The following SMG7 variants were observed in gnomAD, a reference collection of about 807,000 sequenced individuals.
SMG7 encodes the protein nonsense-mediated mRNA decay factor SMG7.
In SMG7, 34 loss-of-function variants were observed where a neutral mutation model predicts 148.2. That is an observed-to-expected ratio of 0.23 (90% CI 0.17 to 0.31). The LOEUF (loss-of-function observed/expected upper bound fraction) is 0.31, where lower values mean the gene tolerates loss of function less well. SMG7 is among the 10% of genes least tolerant of loss of function. SMG7 has a pLI of 1.00. For missense variants in SMG7, 1,114 were observed against 1,408.4 expected, an observed-to-expected ratio of 0.79 and a Z score of 3.35; for synonymous variants, 492 against 515.1, an observed-to-expected ratio of 0.96 and a Z score of 0.61.
chr1:183,528,846 T>G, intron 6 of SMG7, 46 bp from the exon 7 acceptor site: 3 of 1,509,672 alleles, frequency 2.0e-6, no homozygotes, highest in Non-Finnish European at 2.7e-6. Flanking sequence ...ATAGCAAGAC[T>G]TTGTCACTCT....
At chr1:183,498,454 G>T (rs1404131301) in intron 1 of SMG7, among the ~76,000 whole-genome samples, 2 of 152,150 alleles carry the variant, frequency 1.3e-5, no homozygotes, top group African/African-American at 4.8e-5. Context: ...GGAGGTTGAG[G>T]CTGCAGTAAG....
chr1:183,501,263 A>G (rs1240435134), intron 1 of SMG7: 2 of 152,178 alleles, frequency 1.3e-5, no homozygotes, highest in Non-Finnish European at 2.9e-5. Flanking sequence ...AAACACCTCA[A>G]TGAGGTAGGT....
chr1:183,553,687 G>A lies in SMG7; in HGVS notation c.*1756G>A, dbSNP rs1467581763. On this transcript the variant is annotated 3_prime_UTR_variant, in exon 23 of 23. Transcript: ENST00000688051. ...TGGGTTTTGTTTTTTTGAAAGGTCT[G>A]AAAAGGTGAAGCCCCCTACCCAATG... The A allele has an allele frequency of 6.6e-6, 1 of 151,886 alleles. No individual in the cohort carries two copies. The highest frequency in any genetic ancestry group is 1.4e-5 in the Non-Finnish European group (1 of 70,328). 9.4% of individuals were successfully genotyped at this position (151,886 alleles called of 1,614,324 possible).
At chr1:183,473,903 G>A (rs1372690600) in intron 1 of SMG7, 1 of 983,560 alleles carries the variant, frequency 1.0e-6, no homozygotes, top group Admixed American at 6.2e-5. Context: ...CAAGAGGTGT[G>A]TAGTTACCTG....
intron 1 of SMG7, among the ~76,000 whole-genome samples, chr1:183,485,010 A>G (rs1040528510): frequency 2.0e-5 from 3 of 152,142 alleles, no homozygotes; most frequent in Admixed American, 6.5e-5. Context: ...TTCTTTTGAC[A>G]TGATTGTTAG....
intron 1 of SMG7, among the ~76,000 whole-genome samples, chr1:183,474,257 A>G (rs1319150304): frequency 6.6e-6 from 1 of 152,240 alleles, no homozygotes; most frequent in Non-Finnish European, 1.5e-5. Flanking sequence ...ACAGAGTGTA[A>G]GTACCATGAA....
chr1:183,544,215 C>A, intron 14 of SMG7, 138 bp from the exon 15 acceptor site: 1 of 603,772 alleles, frequency 1.7e-6, no homozygotes, highest in East Asian at 2.7e-5. Context: ...CCATTTTTAA[C>A]TTAGGTGAAT....
chr1:183,546,367 T>G, intron 17 of SMG7, 30 bp downstream of exon 17: 1 of 1,583,394 alleles, frequency 6.3e-7, no homozygotes. Context: ...ACCAGGCAAT[T>G]TGGAGATAGG....
Position 183,544,337 on chromosome 1 carries a change from C to G in SMG7, c.1843-16C>G. On this transcript the variant is annotated splice_polypyrimidine_tract_variant and intron_variant, in intron 14 of 22. Coordinates refer to ENST00000688051, the MANE Select transcript of SMG7 (RefSeq NM_001375584.1). ...TTTCAATTTATTATAGATAGTTTTG[C>G]TTCTATTGGTTACAGGTAAAATCCC... 6.2e-7 allele frequency: 1 copy of G among 1,610,260 alleles called. No individual in the cohort carries two copies.
In SMG7 at chr1:183,552,138, C is replaced by T; in HGVS notation, c.*207C>T. The T allele has an allele frequency of 2.4e-6, 3 of 1,258,438 alleles. No individual in the cohort carries two copies. Among genetic ancestry groups the T allele is most frequent in the Non-Finnish European group, 3.0e-6 (3 of 991,832 alleles). The allele number at this position is 1,258,438 out of a possible 1,614,324, so 78.0% of individuals were successfully genotyped here. On this transcript the variant is annotated 3_prime_UTR_variant, in exon 23 of 23. Coordinates refer to ENST00000688051, the MANE Select transcript of SMG7 (RefSeq NM_001375584.1). ...AAAATCCATCAGGAACTCTCCGTCCCCCCGGGGCCCTCCGGAGGGAGAGAG... is the reference window on the plus strand; with the variant it reads ...AAAATCCATCAGGAACTCTCCGTCCTCCCGGGGCCCTCCGGAGGGAGAGAG...
At chr1:183,489,989 T>G (rs1314243443) in intron 1 of SMG7, among the ~76,000 whole-genome samples, 2 of 152,170 alleles carry the variant, frequency 1.3e-5, no homozygotes, top group Non-Finnish European at 2.9e-5. Flanking sequence ...GAGCCCCATC[T>G]CAGACCAGCT....
At chr1:183,535,750 T>C (rs3754519) in intron 10 of SMG7, among the ~76,000 whole-genome samples, 13,995 of 152,208 alleles carry the variant, frequency 0.092, 760 homozygotes, top group East Asian at 0.24. Flanking sequence ...AAAATAGTTA[T>C]AGGGTAAAGC....
At chr1:183,495,084 C>T (rs987487534) in intron 1 of SMG7, among the ~76,000 whole-genome samples, 4 of 152,086 alleles carry the variant, frequency 2.6e-5, no homozygotes, top group Admixed American at 1.3e-4. Context: ...ACCTCGGCCT[C>T]TCAAAGTGCT....
Position 183,542,512 on chromosome 1 carries a change from A to G in SMG7, c.1842+10A>G. On this transcript the variant is annotated intron_variant, in intron 14 of 22. Coordinates refer to ENST00000688051, the MANE Select transcript of SMG7 (RefSeq NM_001375584.1). Reference sequence around the variant, plus strand: ...GAATGTGGCAGTGCAGGTAAGCTGTATTTGAACTATAAAGCAGGTAGAGGA... The same window carrying G: ...GAATGTGGCAGTGCAGGTAAGCTGTGTTTGAACTATAAAGCAGGTAGAGGA... 3 of 1,603,432 alleles carry G rather than the reference A, an allele frequency of 1.9e-6. No individual in the cohort carries two copies. Among genetic ancestry groups the G allele is most frequent in the Non-Finnish European group, 2.6e-6 (3 of 1,174,964 alleles).
intron 18 of SMG7, 167 bp from the exon 19 acceptor site, chr1:183,549,041 G>C (rs1375245397): frequency 3.3e-6 from 2 of 599,580 alleles, no homozygotes; most frequent in African/African-American, 3.7e-5. Flanking sequence ...CTGGCACTTA[G>C]GCGGTGTCTT....
chr1:183,498,642 A>G (rs1337288344), intron 1 of SMG7, among the ~76,000 whole-genome samples: 1 of 152,248 alleles, frequency 6.6e-6, no homozygotes, highest in Non-Finnish European at 1.5e-5. Context: ...ATTGCGAGAA[A>G]GGTATAGAGA....
intron 1 of SMG7, among the ~76,000 whole-genome samples, chr1:183,491,219 C>T (rs886725114): frequency 7.2e-5 from 11 of 152,252 alleles, no homozygotes; most frequent in South Asian, 2.1e-4. Context: ...TATTTTGTGC[C>T]TGTATTCTGT....
intron 1 of SMG7, among the ~76,000 whole-genome samples, chr1:183,495,195 G>T (rs963163103): frequency 1.3e-5 from 2 of 151,834 alleles, no homozygotes; most frequent in African/African-American, 4.8e-5. Flanking sequence ...GTTTTTCAGC[G>T]ATTTGATTAA....
At chr1:183,477,762 A>G (rs988258084) in intron 1 of SMG7, among the ~76,000 whole-genome samples, 2 of 152,020 alleles carry the variant, frequency 1.3e-5, no homozygotes, top group Non-Finnish European at 2.9e-5. Context: ...ATATGTGTGC[A>G]TATATACATG....
Sources: allele counts gnomAD v4.1 joint callset (sites outside exome capture counted in the v4.1 genomes callset), GRCh38; gene constraint gnomAD v4.1.1; transcripts MANE v1.5; gene names NCBI Gene and HGNC (gene_info 2026-07-23, HGNC 2026-07-21).